The following H2BC12 variants were observed in gnomAD, a reference collection of about 807,000 sequenced individuals.
H2BC12 encodes histone H2B type 1-K.
H2BC12 carries 6 observed loss-of-function variants against 6.3 expected under a neutral mutation model. That is an observed-to-expected ratio of 0.95 (90% CI 0.52 to 1.87). The LOEUF (loss-of-function observed/expected upper bound fraction) is 1.87, where lower values mean the gene tolerates loss of function less well. Ranked by LOEUF, H2BC12 falls within the 40% of genes most tolerant of loss-of-function variation. The pLI, the probability that H2BC12 is intolerant of heterozygous loss-of-function variation, is 0.01. For missense variants in H2BC12, 119 were observed against 178.4 expected (o/e 0.67, Z 1.90); for synonymous variants, 132 against 78.5 (o/e 1.68, Z -3.60).
downstream of H2BC12, among the ~76,000 whole-genome samples, chr6:27,142,532 G>A (rs576410149): frequency 3.3e-5 from 5 of 152,032 alleles, no homozygotes; most frequent in Non-Finnish European, 5.9e-5. Flanking sequence ...CCAAAGTGCC[G>A]GGATTACAGG....
At chr6:27,143,176 A>C (rs1760028190), downstream of H2BC12, among the ~76,000 whole-genome samples, 1 of 151,924 alleles carries the variant, frequency 6.6e-6, no homozygotes, top group African/African-American at 2.4e-5. Flanking sequence ...ACATGGTGAA[A>C]TCCCATCTCT....
the H2BC12 span, chr6:27,139,216 G>A: frequency 1.4e-6 from 2 of 1,412,542 alleles, no homozygotes; most frequent in Non-Finnish European, 1.9e-6. Context: ...TCCCGCCAAA[G>A]CTCTTCCGGT....
chr6:27,146,785 G>A lies in H2BC12; in HGVS notation c.14C>T (p.Ala5Val), dbSNP rs759332373. The A allele has an allele frequency of 1.3e-5, 21 of 1,614,002 alleles. No individual in the cohort carries two copies. The highest frequency in any genetic ancestry group is 1.5e-5 in the Non-Finnish European group (18 of 1,179,968). ...CTTCTTGGGCGCGGGAGCGGACTTCGCTGGTTCCGGCATGTTGAAGGCGAA... is the reference window on the plus strand; with the variant it reads ...CTTCTTGGGCGCGGGAGCGGACTTCACTGGTTCCGGCATGTTGAAGGCGAA... MPEP[A>V]KSAPAPKKGS... is the part of the protein sequence containing the mutation. Residue 5 changes from alanine (A) to valine (V), a missense_variant, in exon 1 of 1, where the codon GCG becomes GTG. Physicochemically the swap from Ala to Val is moderately conservative, Grantham distance 64. Coordinates refer to ENST00000356950, the MANE Select transcript of H2BC12 (RefSeq NM_001312653.2).
Position 27,146,380 on chromosome 6 carries a change from C to G in H2BC12, c.*38G>C, listed in dbSNP as rs1170823219. ...ATAATTTAAGTGGCTCTTAAAAGAG[C>G]CTTTGGGGTTGGGCTTTAAGACGCT... is the stretch of plus-strand genomic sequence containing the variant. On this transcript the variant is annotated 3_prime_UTR_variant, in exon 1 of 1. Coordinates refer to ENST00000356950, the MANE Select transcript of H2BC12 (RefSeq NM_001312653.2). 1.2e-6 allele frequency: 2 copies of G among 1,613,714 alleles called. No individual in the cohort carries two copies. The highest frequency in any genetic ancestry group is 1.7e-6 in the Non-Finnish European group (2 of 1,179,894).
the H2BC12 span, chr6:27,139,298 AC>A: frequency 1.9e-6 from 3 of 1,594,408 alleles, no homozygotes; most frequent in Non-Finnish European, 2.6e-6. Flanking sequence ...TTGTTCTCTG[AC>A]CACTTGATAA....
the H2BC12 span, chr6:27,138,705 G>A: frequency 6.6e-5 from 10 of 152,272 alleles, 1 homozygote; most frequent in African/African-American, 1.9e-4. Flanking sequence ...AGAGAAACAG[G>A]ACAAAGTTAG....
At chr6:27,144,038 T>G (rs868376524), downstream of H2BC12, among the ~76,000 whole-genome samples, 2 of 152,122 alleles carry the variant, frequency 1.3e-5, no homozygotes, top group Admixed American at 1.3e-4. Context: ...TATGGTATAA[T>G]GGAAACAAAC....
rs975573343 is a variant in H2BC12, at chr6:27,146,707, T to C, written c.92A>G (p.Lys31Arg). 17 of 1,614,168 alleles carry C rather than the reference T, an allele frequency of 1.1e-5. No homozygotes were observed. In the Admixed American group the frequency reaches 2.5e-4, roughly 24 times the overall value. The change falls in exon 1 of 1, where the codon AAG becomes AGG. Residue 31 changes from lysine to arginine, a missense_variant. This residue lies in a region of H2BC12 where 69 missense variants were observed against 141.0 expected (regional missense o/e 0.49). Transcript: ENST00000356950. Reference sequence around the variant, plus strand: ...GGAGTAGCTCTCCTTGCGGCTGCGCTTGCGCTTCTTGCCGTCCTTCTTCTG... The same window carrying C: ...GGAGTAGCTCTCCTTGCGGCTGCGCCTGCGCTTCTTGCCGTCCTTCTTCTG... ...KAQKKDGKKR[K>R]RSRKESYSVY...
At chr6:27,146,356 T>C (rs1012478332), downstream of H2BC12, 8 of 1,607,278 alleles carry the variant, frequency 5.0e-6, no homozygotes, top group East Asian at 2.2e-5. Flanking sequence ...CTAATATCGA[T>C]AATTTAAGTG....
downstream of H2BC12, among the ~76,000 whole-genome samples, chr6:27,143,237 A>G (rs1381698035): frequency 6.6e-6 from 1 of 152,090 alleles, no homozygotes; most frequent in Non-Finnish European, 1.5e-5. Context: ...CTGTAATCCC[A>G]GCTACTCAGG....
rs566494838 is a variant in H2BC12 at position 27,146,754 on chromosome 6, C to G, written c.45G>C (p.Ser15=). The G allele has an allele frequency of 7.4e-6, 12 of 1,614,124 alleles. No individual in the cohort carries two copies. The South Asian group carries it at 1.1e-4, about 15-fold the overall frequency. Residue 15 remains serine, a synonymous_variant, in exon 1 of 1, where the codon TCG becomes TCC. Coordinates refer to ENST00000356950, the MANE Select transcript of H2BC12 (RefSeq NM_001312653.2). The part of the protein sequence containing the change: ...AKSAPAPKKG[S]KKAVTKAQKK... ...TCTGCGCCTTAGTCACGGCTTTCTT[C>G]GAGCCCTTCTTGGGCGCGGGAGCGG...
downstream of H2BC12, among the ~76,000 whole-genome samples, chr6:27,144,493 C>A (rs1760046618): frequency 2.0e-5 from 2 of 100,426 alleles, no homozygotes; most frequent in South Asian, 3.7e-4. Flanking sequence ...TCTGTGCTAT[C>A]AAGAGAAATA....
chr6:27,146,847 G>A lies in H2BC12; in HGVS notation c.-49C>T, dbSNP rs1403701358. 22 of 1,596,958 alleles carry A rather than the reference G, an allele frequency of 1.4e-5. No homozygotes were observed. The highest frequency in any genetic ancestry group is 1.0e-4 in the Admixed American group (6 of 57,358). On this transcript the variant is annotated 5_prime_UTR_variant, in exon 1 of 1. Coordinates refer to ENST00000356950, the MANE Select transcript of H2BC12 (RefSeq NM_001312653.2). ...AGACGAGCAGCAGATCGAGAAAACGGGAAGTAATGGGAGCAAGGTACCAGG... is the reference window on the plus strand; with the variant it reads ...AGACGAGCAGCAGATCGAGAAAACGAGAAGTAATGGGAGCAAGGTACCAGG...
chr6:27,139,350 G>T, the H2BC12 span: 4 of 1,613,836 alleles, frequency 2.5e-6, no homozygotes, highest in African/African-American at 1.3e-5. Flanking sequence ...TGGGGAAAGG[G>T]GGTGCCAAGC....
chr6:27,139,570 G>C, the H2BC12 span: 2 of 1,613,964 alleles, frequency 1.2e-6, no homozygotes, highest in South Asian at 2.2e-5. Flanking sequence ...CATGGACGTG[G>C]TCTACGCGCT....
Position 27,146,845 on chromosome 6 carries a change from C to G in H2BC12, c.-47G>C, listed in dbSNP as rs765672161. On this transcript the variant is annotated 5_prime_UTR_variant, in exon 1 of 1. Coordinates refer to ENST00000356950, the MANE Select transcript of H2BC12 (RefSeq NM_001312653.2). ...TGAGACGAGCAGCAGATCGAGAAAACGGGAAGTAATGGGAGCAAGGTACCA... is the reference window on the plus strand; with the variant it reads ...TGAGACGAGCAGCAGATCGAGAAAAGGGGAAGTAATGGGAGCAAGGTACCA... 1 of 1,600,288 alleles carries G rather than the reference C, an allele frequency of 6.2e-7. No individual in the cohort carries two copies. Among genetic ancestry groups the G allele is most frequent in the South Asian group, 1.1e-5 (1 of 89,402 alleles).
chr6:27,139,461 C>T, the H2BC12 span: 1 of 1,614,222 alleles, frequency 6.2e-7, no homozygotes, highest in African/African-American at 1.3e-5. Context: ...CTGGCCTCAT[C>T]TATGAGGAGA....
chr6:27,146,636 T>C lies in H2BC12; in HGVS notation c.163A>G (p.Ile55Val). 1 of 1,614,290 alleles carries C rather than the reference T, an allele frequency of 6.2e-7. No individual in the cohort carries two copies. Among genetic ancestry groups the C allele is most frequent in the Non-Finnish European group, 8.5e-7 (1 of 1,180,060 alleles). Residue 55 changes from isoleucine to valine, a missense_variant, in exon 1 of 1, where the codon ATC (isoleucine) becomes GTC (valine). Transcript: ENST00000356950. The stretch of plus-strand genomic sequence containing the variant: ...ATGATTCCCATGGCCTTAGAGGAGA[T>C]GCCGGTGTCGGGGTGGACCTGCTTC... ...VLKQVHPDTG[I>V]SSKAMGIMNS...
Position 27,146,595 on chromosome 6 carries a change from G to C in H2BC12, c.204C>G (p.Asn68Lys). Residue 68 changes from asparagine to lysine, a missense_variant, in exon 1 of 1, where the codon AAC becomes AAG. Transcript: ENST00000356950. ...CACCCGCGATGCGTTCGAAGATGTC[G>C]TTGACGAAGGAGTTCATGATTCCCA... ...KAMGIMNSFV[N>K]DIFERIAGEA... is the part of the protein sequence containing the mutation. The C allele has an allele frequency of 6.2e-7, 1 of 1,614,270 alleles. No individual in the cohort carries two copies. The highest frequency in any genetic ancestry group is 8.5e-7 in the Non-Finnish European group (1 of 1,180,052).
Sources: gnomAD v4.1 joint callset for allele counts (sites outside exome capture counted in the v4.1 genomes callset) on GRCh38, gnomAD v4.1.1 for gene constraint, gnomAD v4.1.1 regional missense constraint, MANE v1.5 for transcripts, NCBI Gene and HGNC (gene_info 2026-07-23, HGNC 2026-07-21) for gene names.